DCAF6: variants seen among roughly 807,000 people sequenced by gnomAD.
The protein encoded by DCAF6 is DDB1- and CUL4-associated factor 6.
In DCAF6, 54 loss-of-function variants were observed where a neutral mutation model predicts 125.1. The ratio of observed to expected loss-of-function variants is 0.43; its 90% CI spans 0.35 to 0.54. The LOEUF (loss-of-function observed/expected upper bound fraction) is 0.54, where lower values mean the gene tolerates loss of function less well. Among genes scored for constraint, DCAF6 ranks in the 20% least tolerant of loss-of-function variants. The pLI is 0.01. For synonymous variants in DCAF6, 371 were observed against 390.4 expected (o/e 0.95, Z 0.58); for missense variants, 934 against 1,161.7 (o/e 0.80, Z 2.85).
At chr1:167,997,622 T>A (rs995486675) in intron 7 of DCAF6, among the ~76,000 whole-genome samples, 1 of 152,048 alleles carries the variant, frequency 6.6e-6, no homozygotes. Context: ...CAAGTTTTTA[T>A]CAAAACCTGT....
chr1:168,043,246 T>C, intron 14 of DCAF6, 106 bp downstream of exon 14: 1 of 858,456 alleles, frequency 1.2e-6, no homozygotes. Flanking sequence ...TTTAATAAAT[T>C]ACTTTTGCTT....
At chr1:167,911,281 T>C in the DCAF6 span, among the ~76,000 whole-genome samples, 59 of 152,328 alleles carry the variant, frequency 3.9e-4, no homozygotes, top group Non-Finnish European at 7.1e-4. Flanking sequence ...TAGTAACTTA[T>C]CTTAAAAGCA....
At chr1:167,946,304 T>C (rs1439740855) in intron 1 of DCAF6, among the ~76,000 whole-genome samples, 1 of 152,120 alleles carries the variant, frequency 6.6e-6, no homozygotes, top group Non-Finnish European at 1.5e-5. Context: ...AGATATAAGA[T>C]CATATCATCA....
At chr1:167,896,147 T>A in the DCAF6 span, among the ~76,000 whole-genome samples, 1 of 151,972 alleles carries the variant, frequency 6.6e-6, no homozygotes, top group Non-Finnish European at 1.5e-5. Flanking sequence ...AAGCTAGGTG[T>A]CAGCGGTGCA....
At chr1:167,876,723 C>T in the DCAF6 span, among the ~76,000 whole-genome samples, 6 of 152,196 alleles carry the variant, frequency 3.9e-5, no homozygotes, top group African/African-American at 1.4e-4. Flanking sequence ...GCATTAATGG[C>T]CCCAGTACCT....
chr1:167,964,831 A>G (rs1444641097), intron 2 of DCAF6, among the ~76,000 whole-genome samples: 1 of 152,164 alleles, frequency 6.6e-6, no homozygotes, highest in Non-Finnish European at 1.5e-5. Flanking sequence ...GTCTACTAAT[A>G]CGCCCATCAG....
At chr1:167,901,332 A>T in the DCAF6 span, among the ~76,000 whole-genome samples, 6 of 152,146 alleles carry the variant, frequency 3.9e-5, no homozygotes, top group Non-Finnish European at 5.9e-5. Context: ...TATACTGCAC[A>T]ACCTTGACAA....
rs1428959502 is a variant in DCAF6, at chr1:168,008,897, CT to C, written c.1378+4105del. Among the ~76,000 whole-genome samples, 231 of 134,458 alleles carry C rather than the reference CT, an allele frequency of 1.7e-3. 1 individual carries two copies. Among genetic ancestry groups the C allele is most frequent in the Admixed American group, 4.7e-3 (64 of 13,584 alleles). 88.2% of individuals were successfully genotyped at this position (134,458 alleles called of 152,430 possible). A position where few individuals can be genotyped will look rare whatever the true frequency, so the allele number is the denominator to read the frequency against. ...CTGCCCCCACCCCCTCCCCTCCCCC[CT>C]CCCTCCCTCCCTTCCTCCCACTTGC... On this transcript the variant is annotated intron_variant, in intron 10 of 21. Coordinates refer to ENST00000367840, the MANE Select transcript of DCAF6 (RefSeq NM_001198956.2).
intron 7 of DCAF6, 98 bp downstream of exon 7, chr1:167,993,538 T>A: frequency 1.1e-6 from 1 of 930,834 alleles, no homozygotes; most frequent in Non-Finnish European, 1.6e-6. Context: ...TCACCTGCGG[T>A]TGGGAGTTTG....
At chr1:168,034,539 C>A (rs541864224) in intron 12 of DCAF6, among the ~76,000 whole-genome samples, 1 of 151,970 alleles carries the variant, frequency 6.6e-6, no homozygotes, top group Non-Finnish European at 1.5e-5. Flanking sequence ...AGGAAAAGTC[C>A]GTAACTAGAG....
At position 168,044,638 on chromosome 1, in the gene DCAF6, G is replaced by T; in HGVS notation, c.1897G>T (p.Ala633Ser). Residue 633 changes from alanine (A) to serine (S), a missense_variant, in exon 15 of 22, where the codon GCA becomes TCA. Ala to Ser is a moderately conservative substitution (Grantham distance 99, BLOSUM62 1). Transcript: ENST00000367840. ...GACAAAATATCAGGAAGGAGTATCT[G>T]CAGAAAACCCAGTTGAGAACCATAT... ...DVTKYQEGVSAENPVENHINI... is the reference protein window; with the variant it reads ...DVTKYQEGVSSENPVENHINI... The T allele has an allele frequency of 6.2e-7, 1 of 1,613,244 alleles. No individual in the cohort carries two copies. The highest frequency in any genetic ancestry group is 8.5e-7 in the Non-Finnish European group (1 of 1,179,370).
At chr1:167,912,192 A>G in the DCAF6 span, among the ~76,000 whole-genome samples, 1 of 152,214 alleles carries the variant, frequency 6.6e-6, no homozygotes, top group African/African-American at 2.4e-5. Context: ...AGGAGTTATT[A>G]AGAAATTATT....
intron 12 of DCAF6, among the ~76,000 whole-genome samples, chr1:168,034,104 TAAC>T (rs1372833890): frequency 6.6e-6 from 1 of 152,192 alleles, no homozygotes; most frequent in African/African-American, 2.4e-5. Context: ...TTCTGAGGAG[TAAC>T]AACATCAACA....
the DCAF6 span, among the ~76,000 whole-genome samples, chr1:167,891,661 A>AC: frequency 1.3e-5 from 2 of 151,604 alleles, no homozygotes; most frequent in Admixed American, 1.3e-4. Flanking sequence ...GTCTCAAAAA[A>AC]AAAAAAAAAA....
chr1:167,922,270 T>G, the DCAF6 span, among the ~76,000 whole-genome samples: 1 of 152,136 alleles, frequency 6.6e-6, no homozygotes, highest in Non-Finnish European at 1.5e-5. Context: ...AAGAGACAGA[T>G]AGTCAAGAAG....
chr1:167,936,519 G>A (rs73024126), upstream of DCAF6: 1 of 225,610 alleles, frequency 4.4e-6, no homozygotes, highest in South Asian at 5.6e-5. Flanking sequence ...GGTGAGGGCA[G>A]CCGCAGCACA....
chr1:168,032,524 A>G (rs1253560482), intron 12 of DCAF6, among the ~76,000 whole-genome samples: 3 of 152,174 alleles, frequency 2.0e-5, no homozygotes, highest in Non-Finnish European at 4.4e-5. Flanking sequence ...CAAGTCTAGT[A>G]AGTTGGAGTG....
chr1:167,988,622 A>G lies in DCAF6; in HGVS notation c.552+1014A>G, dbSNP rs549554223. Among the ~76,000 whole-genome samples, 12 of 152,250 alleles carry G rather than the reference A, an allele frequency of 7.9e-5. No individual in the cohort carries two copies. The South Asian group carries it at 2.1e-3, about 26-fold the overall frequency. ...GAAGTAGTAAATGAAATAAGAAAGTACTATTCAAAATATGTTTTTACTGAA... is the reference window on the plus strand; with the variant it reads ...GAAGTAGTAAATGAAATAAGAAAGTGCTATTCAAAATATGTTTTTACTGAA... On this transcript the variant is annotated intron_variant, in intron 5 of 21. Transcript: ENST00000367840.
At chr1:167,879,671 C>T in the DCAF6 span, among the ~76,000 whole-genome samples, 1 of 151,924 alleles carries the variant, frequency 6.6e-6, no homozygotes, top group African/African-American at 2.4e-5. Context: ...AATCTTAAAC[C>T]CTGATAGGAT....
Sources: allele counts gnomAD v4.1 joint callset (sites outside exome capture counted in the v4.1 genomes callset), GRCh38; gene constraint gnomAD v4.1.1; transcripts MANE v1.5; gene names NCBI Gene and HGNC (gene_info 2026-07-23, HGNC 2026-07-21).